Variants in PDRG1 observed in about 807,000 individuals in gnomAD.
The protein encoded by PDRG1 is p53 and DNA damage-regulated protein 1.
Under a neutral mutation model 18.4 loss-of-function variants are expected in PDRG1, and 14 were observed. The ratio of observed to expected loss-of-function variants is 0.76; its 90% CI spans 0.50 to 1.19. The LOEUF (loss-of-function observed/expected upper bound fraction) is 1.19. PDRG1 is among the 50% of genes most tolerant of loss of function. PDRG1 has a pLI of 0.00. For synonymous variants in PDRG1, 65 were observed against 60.9 expected (o/e 1.07, Z -0.31); for missense variants, 177 against 160.1 (o/e 1.11, Z -0.57).
chr20:31,947,070 GCTTAA>G (rs1208570525), intron 3 of PDRG1, among the ~76,000 whole-genome samples: 4 of 152,234 alleles, frequency 2.6e-5, no homozygotes, highest in Non-Finnish European at 4.4e-5. Flanking sequence ...CAATGCTCAA[GCTTAA>G]CTTAATTAGC....
rs2064334774 is a variant in PDRG1 at position 31,948,888 on chromosome 20, A to G, written c.164-6T>C. Reference sequence around the variant, plus strand: ...GAAGCAAACCATCACATCTTCTGAAAGAGCAAATAGTAATTCCTTCAACAA... The same window carrying G: ...GAAGCAAACCATCACATCTTCTGAAGGAGCAAATAGTAATTCCTTCAACAA... On this transcript the variant is annotated splice_polypyrimidine_tract_variant and splice_region_variant and intron_variant, in intron 2 of 4. Transcript: ENST00000202017. The G allele has an allele frequency of 6.2e-7, 1 of 1,613,488 alleles. No homozygotes were observed. Among genetic ancestry groups the G allele is most frequent in the South Asian group, 1.1e-5 (1 of 90,932 alleles).
chr20:31,945,941 GCCAGGC>G (rs1370389642), intron 4 of PDRG1, 52 bp from the exon 5 acceptor site: 3 of 1,494,570 alleles, frequency 2.0e-6, no homozygotes, highest in Admixed American at 1.7e-5. Flanking sequence ...TGGCTCTGGA[GCCAGGC>G]CCAGGAAAGG....
In PDRG1 at chr20:31,945,852, G is replaced by A; in HGVS notation, c.357C>T (p.Leu119=). 1.2e-6 allele frequency: 2 copies of A among 1,613,978 alleles called. No individual in the cohort carries two copies. The highest frequency in any genetic ancestry group is 1.3e-5 in the African/African-American group (1 of 75,050). Residue 119 remains leucine (L), a synonymous_variant, in exon 5 of 5, where the codon CTC becomes CTT. Coordinates refer to ENST00000202017, the MANE Select transcript of PDRG1 (RefSeq NM_030815.3). ...PELKGFNLNP[L]NQDELKALKV... ...TGAGAGCTTTAAGCTCATCCTGGTT[G>A]AGGGGGTTCAAGTTAAAACCCTTCA...
intron 2 of PDRG1, 25 bp downstream of exon 2, chr20:31,950,287 C>G (rs750186561): frequency 6.4e-7 from 1 of 1,554,164 alleles, no homozygotes; most frequent in African/African-American, 1.4e-5. Flanking sequence ...GCCTCCAGGG[C>G]TGCACTGAGA....
At chr20:31,949,411 A>G (rs1204989316) in intron 2 of PDRG1, among the ~76,000 whole-genome samples, 1 of 152,190 alleles carries the variant, frequency 6.6e-6, no homozygotes. Flanking sequence ...GTATCTATTA[A>G]AAATACAAAA....
intron 1 of PDRG1, 82 bp downstream of exon 1, chr20:31,951,793 G>T: frequency 7.0e-7 from 1 of 1,431,884 alleles, no homozygotes; most frequent in Non-Finnish European, 9.3e-7. Flanking sequence ...TTAACCGCCT[G>T]TCCAGGTCAA....
rs1436778153 is a variant in PDRG1, at chr20:31,951,947, C to G, written c.15G>C (p.Glu5Asp). MLSP[E>D]AERVLRYLVE... is the part of the protein sequence containing the mutation. ...CAAGGTACCGCAGCACTCGCTCTGC[C>G]TCGGGTGATAGCATAGCGCCCACCA... Residue 5 changes from glutamate (E) to aspartate (D), a missense_variant, in exon 1 of 5, where the codon GAG becomes GAC. Glu to Asp is a conservative substitution (Grantham distance 45). Coordinates refer to ENST00000202017, the MANE Select transcript of PDRG1 (RefSeq NM_030815.3). 21 of 1,577,374 alleles carry G rather than the reference C, an allele frequency of 1.3e-5. No individual in the cohort carries two copies. Among genetic ancestry groups the G allele is most frequent in the Non-Finnish European group, 1.8e-5 (21 of 1,163,172 alleles).
chr20:31,951,888 G>T lies in PDRG1; in HGVS notation c.74C>A (p.Ala25Glu), dbSNP rs1318288305. The change falls in exon 1 of 5, where the codon GCG (alanine) becomes GAG (glutamate). Residue 25 changes from alanine to glutamate, a missense_variant. By Grantham distance (107) the Ala-to-Glu change is moderately radical. Coordinates refer to ENST00000202017, the MANE Select transcript of PDRG1 (RefSeq NM_030815.3). Reference sequence around the variant, plus strand: ...GGGGCCTCTCACCTGCCGCTTGTCCGCCAGCACCTCCTCGGCGAGCTCCTC... The same window carrying T: ...GGGGCCTCTCACCTGCCGCTTGTCCTCCAGCACCTCCTCGGCGAGCTCCTC... ...EVEELAEEVLADKRQIVDLDT... is the reference protein window; with the variant it reads ...EVEELAEEVLEDKRQIVDLDT... The T allele has an allele frequency of 1.3e-6, 2 of 1,585,864 alleles. No homozygotes were observed. The highest frequency in any genetic ancestry group is 2.4e-5 in the East Asian group (1 of 42,418).
At chr20:31,950,512 G>T (rs2064345780) in intron 1 of PDRG1, 125 bp from the exon 2 acceptor site, 2 of 702,408 alleles carry the variant, frequency 2.8e-6, no homozygotes, top group East Asian at 5.1e-5. Context: ...GCCTAAAATG[G>T]ATTGATGTGT....
rs760715989 is a variant in PDRG1, at chr20:31,950,292, C to G, written c.163+20G>C. On this transcript the variant is annotated intron_variant, in intron 2 of 4. Coordinates refer to ENST00000202017, the MANE Select transcript of PDRG1 (RefSeq NM_030815.3). ...AACGGAACAGGCCTCCAGGGCTGCA[C>G]TGAGAAAATTTCAACTTACCAGAGA... 3.8e-6 allele frequency: 6 copies of G among 1,572,370 alleles called. No individual in the cohort carries two copies. The South Asian group carries it at 5.5e-5, about 15-fold the overall frequency.
rs775185931 is a variant in PDRG1, at chr20:31,945,775, G to T, written c.*32C>A. The T allele has an allele frequency of 8.3e-5, 131 of 1,574,966 alleles. No homozygotes were observed. The highest frequency in any genetic ancestry group is 9.6e-5 in the Non-Finnish European group (110 of 1,145,604). ...TCCTGGGTCCTCCATGACCCTGGGG[G>T]GTTGCTGGTCCCCCATCTTGGTTCT... On this transcript the variant is annotated 3_prime_UTR_variant, in exon 5 of 5. Transcript: ENST00000202017.
chr20:31,945,776 G>A lies in PDRG1; in HGVS notation c.*31C>T, dbSNP rs2064311673. 1.3e-6 allele frequency: 2 copies of A among 1,582,118 alleles called. No individual in the cohort carries two copies. The highest frequency in any genetic ancestry group is 1.7e-6 in the Non-Finnish European group (2 of 1,151,934). On this transcript the variant is annotated 3_prime_UTR_variant, in exon 5 of 5. Transcript: ENST00000202017. ...CCTGGGTCCTCCATGACCCTGGGGGGTTGCTGGTCCCCCATCTTGGTTCTT... is the reference window on the plus strand; with the variant it reads ...CCTGGGTCCTCCATGACCCTGGGGGATTGCTGGTCCCCCATCTTGGTTCTT...
chr20:31,951,770 C>A, intron 1 of PDRG1, 105 bp downstream of exon 1: 1 of 1,235,870 alleles, frequency 8.1e-7, no homozygotes, highest in Non-Finnish European at 1.1e-6. Context: ...CCAGGTCTGT[C>A]GCCTCGGAGC....
intron 1 of PDRG1, among the ~76,000 whole-genome samples, 176 bp downstream of exon 1, chr20:31,951,697 AAG>A (rs2064353495): frequency 2.0e-5 from 3 of 152,252 alleles, no homozygotes; most frequent in Admixed American, 6.5e-5. Context: ...AGAAAGGATG[AAG>A]AGAGAGGAAT....
At position 31,945,770 on chromosome 20, in the gene PDRG1, T is replaced by C; in HGVS notation, c.*37A>G. ...GAGGGTCCTGGGTCCTCCATGACCC[T>C]GGGGGGTTGCTGGTCCCCCATCTTG... On this transcript the variant is annotated 3_prime_UTR_variant, in exon 5 of 5. Coordinates refer to ENST00000202017, the MANE Select transcript of PDRG1 (RefSeq NM_030815.3). The C allele has an allele frequency of 6.4e-7, 1 of 1,558,180 alleles. No homozygotes were observed. Among genetic ancestry groups the C allele is most frequent in the Non-Finnish European group, 8.8e-7 (1 of 1,130,534 alleles).
intron 4 of PDRG1, 50 bp from the exon 5 acceptor site, chr20:31,945,939 G>A: frequency 6.6e-7 from 1 of 1,510,614 alleles, no homozygotes; most frequent in Non-Finnish European, 9.2e-7. Context: ...GCTGGCTCTG[G>A]AGCCAGGCCC....
In PDRG1 at chr20:31,946,558, T is replaced by G; in HGVS notation, c.257A>C (p.Lys86Thr). ...TTGCTTCCGCAGTTTTTCTATTTCT[T>G]TATCCAGATGATCTTGATCTGAAAA... ...MIEKDQDHLD[K>T]EIEKLRKQLK... Residue 86 changes from lysine to threonine, a missense_variant, in exon 4 of 5, where the codon AAA becomes ACA. Lys to Thr is a moderately conservative substitution (Grantham distance 78, BLOSUM62 -1). Transcript: ENST00000202017. 1 of 1,612,992 alleles carries G rather than the reference T, an allele frequency of 6.2e-7. No individual in the cohort carries two copies. Among genetic ancestry groups the G allele is most frequent in the Non-Finnish European group, 8.5e-7 (1 of 1,178,992 alleles).
chr20:31,944,763 TG>T lies in PDRG1; in HGVS notation c.*1043del, dbSNP rs2123673394. On this transcript the variant is annotated 3_prime_UTR_variant, in exon 5 of 5. Coordinates refer to ENST00000202017, the MANE Select transcript of PDRG1 (RefSeq NM_030815.3). ...CTGGCCATGACAGCCTGTGTTTCTA[TG>T]TAACTATGAGCCAGAGCCAAGGAGC... The T allele has an allele frequency of 6.6e-6, 1 of 152,336 alleles. No homozygotes were observed. Among genetic ancestry groups the T allele is most frequent in the South Asian group, 2.1e-4 (1 of 4,830 alleles). 9.4% of individuals were successfully genotyped at this position (152,336 alleles called of 1,614,324 possible). A position where few individuals can be genotyped will look rare whatever the true frequency, so the allele number is the denominator to read the frequency against.
chr20:31,949,208 T>C (rs2064336885), intron 2 of PDRG1, among the ~76,000 whole-genome samples: 1 of 152,130 alleles, frequency 6.6e-6, no homozygotes, highest in Non-Finnish European at 1.5e-5. Context: ...TGCAGACATC[T>C]GGGGAAAGAG....
Sources: gnomAD v4.1 joint callset for allele counts (sites outside exome capture counted in the v4.1 genomes callset) on GRCh38, gnomAD v4.1.1 for gene constraint, MANE v1.5 for transcripts, NCBI Gene and HGNC (gene_info 2026-07-23, HGNC 2026-07-21) for gene names.